The following SEC24B variants were observed in gnomAD, a reference collection of about 807,000 sequenced individuals.
SEC24B encodes the protein SEC24 homolog B, COPII component.
Under a neutral mutation model 142.8 loss-of-function variants are expected in SEC24B, and 45 were observed. The ratio of observed to expected loss-of-function variants is 0.32; its 90% confidence interval spans 0.25 to 0.40. SEC24B has a LOEUF of 0.40. SEC24B is among the 10% of genes least tolerant of loss of function. The pLI is 1.00. For synonymous variants in SEC24B, 574 were observed against 568.2 expected (o/e 1.01, Z -0.15); for missense variants, 1,409 against 1,526.8 (o/e 0.92, Z 1.29).
At chr4:109,467,280 C>G (rs992732387) in intron 2 of SEC24B, among the ~76,000 whole-genome samples, 2 of 145,922 alleles carry the variant, frequency 1.4e-5, no homozygotes, top group African/African-American at 5.1e-5. Flanking sequence ...GAGCCGAGAT[C>G]GCGCCACTGC....
At chr4:109,452,937 T>C (rs770113410) in intron 1 of SEC24B, among the ~76,000 whole-genome samples, 9 of 152,252 alleles carry the variant, frequency 5.9e-5, no homozygotes, top group Non-Finnish European at 1.2e-4. Context: ...TTCAACGTTA[T>C]TTCACGTAGG....
chr4:109,442,532 A>G (rs1026097494), intron 1 of SEC24B, among the ~76,000 whole-genome samples: 1 of 152,180 alleles, frequency 6.6e-6, no homozygotes, highest in Non-Finnish European at 1.5e-5. Context: ...TCTTAGTAGG[A>G]TAAAGGAACT....
chr4:109,534,997 C>A lies in SEC24B; in HGVS notation c.3588+1312C>A, dbSNP rs543125355. The stretch of plus-strand genomic sequence containing the variant: ...TTGGCCAGTTTGTTCTTTTTTATGA[C>A]TGAAAAATAGTCCATTGTATGGACA... On this transcript the variant is annotated intron_variant, in intron 22 of 23. Transcript: ENST00000265175. Among the ~76,000 whole-genome samples the A allele has an allele frequency of 2.2e-3, 339 of 151,940 alleles. 2 individuals carry two copies. The highest frequency in any genetic ancestry group is 7.8e-3 in the African/African-American group (324 of 41,482).
Position 109,481,672 on chromosome 4 carries a change from T to A in SEC24B, c.1061-5T>A. 1 of 1,599,898 alleles carries A rather than the reference T, an allele frequency of 6.3e-7. No individual in the cohort carries two copies. The highest frequency in any genetic ancestry group is 8.5e-7 in the Non-Finnish European group (1 of 1,171,212). On this transcript the variant is annotated splice_polypyrimidine_tract_variant and splice_region_variant and intron_variant, in intron 3 of 23. Transcript: ENST00000265175. ...ACTCTTATGTTTGTGCTTTCCACTT[T>A]ACAGGCGTGCAGTATGGTGAATATG...
chr4:109,513,256 G>T (rs917702232), intron 9 of SEC24B, among the ~76,000 whole-genome samples: 2 of 148,616 alleles, frequency 1.3e-5, no homozygotes, highest in African/African-American at 5.0e-5. Flanking sequence ...TTATAGGTGT[G>T]AGCCACTGCG....
At position 109,529,117 on chromosome 4, in the gene SEC24B, C is replaced by T. The variant is rs181926035; in HGVS notation, c.3077-1172C>T. On this transcript the variant is annotated intron_variant, in intron 18 of 23. Transcript: ENST00000265175. ...GGCAGAGGTTGCAATGAGCCAAGAT[C>T]GCACCACTGCACTCCAGCCTGGGAA... Among the ~76,000 whole-genome samples the T allele has an allele frequency of 4.7e-5, 7 of 149,596 alleles. No individual in the cohort carries two copies. In the East Asian group the frequency reaches 6.0e-4, roughly 13 times the overall value.
At chr4:109,532,508 A>G in intron 20 of SEC24B, 131 bp from the exon 21 acceptor site, 1 of 657,596 alleles carries the variant, frequency 1.5e-6, no homozygotes, top group Non-Finnish European at 2.7e-6. Flanking sequence ...GCATATAATC[A>G]GTATTTTTTA....
Position 109,473,071 on chromosome 4 carries a change from C to G in SEC24B, c.945C>G (p.Ser315=). The G allele has an allele frequency of 6.2e-7, 1 of 1,605,014 alleles. No individual in the cohort carries two copies. Among genetic ancestry groups the G allele is most frequent in the Non-Finnish European group, 8.5e-7 (1 of 1,175,706 alleles). Residue 315 remains serine (S), a synonymous_variant, in exon 3 of 24, where the codon TCC becomes TCG. Coordinates refer to ENST00000265175, the MANE Select transcript of SEC24B (RefSeq NM_006323.5). ...VQPPKSSPVV[S]TVLSGSSGSS... ...CTCCCAAGTCCAGCCCAGTGGTATC[C>G]ACTGTTTTATCAGGATCCTCAGGAT... is the stretch of plus-strand genomic sequence containing the variant.
In SEC24B at chr4:109,540,517, T is replaced by G. The variant is rs183613143; in HGVS notation, c.*842T>G. 1 of 152,082 alleles carries G rather than the reference T, an allele frequency of 6.6e-6. No individual in the cohort carries two copies. Among genetic ancestry groups the G allele is most frequent in the African/African-American group, 2.4e-5 (1 of 41,410 alleles). 9.4% of individuals were successfully genotyped at this position (152,082 alleles called of 1,614,324 possible). On this transcript the variant is annotated 3_prime_UTR_variant, in exon 24 of 24. Transcript: ENST00000265175. ...TTGGTTTTTTGTGGGGATTGGTGGG[T>G]TTTTTTACATACAGGATGTATTGAA... is the stretch of plus-strand genomic sequence containing the variant.
At chr4:109,486,994 A>G (rs1346125245) in intron 4 of SEC24B, among the ~76,000 whole-genome samples, 3 of 151,904 alleles carry the variant, frequency 2.0e-5, no homozygotes, top group African/African-American at 7.3e-5. Context: ...ACGAAACCCC[A>G]TATCTACTAA....
Position 109,463,551 on chromosome 4 carries a change from T to A in SEC24B, c.784T>A (p.Trp262Arg). The change falls in exon 2 of 24, where the codon TGG (tryptophan) becomes AGG (arginine). Residue 262 changes from tryptophan (W) to arginine (R), a missense_variant. Physicochemically the swap from Trp to Arg is moderately radical, Grantham distance 101. This residue lies in a region of SEC24B where 709 missense variants were observed against 673.5 expected (regional missense o/e 1.05). Transcript: ENST00000265175. ...TCTTTCAGGATACAGTACTCTAACG[T>A]GGTCATCTCCAGGCCTTCCATCGAC... ...QSLSGYSTLT[W>R]SSPGLPSTQD... The A allele has an allele frequency of 6.2e-7, 1 of 1,614,196 alleles. No homozygotes were observed. The highest frequency in any genetic ancestry group is 8.5e-7 in the Non-Finnish European group (1 of 1,180,038).
chr4:109,472,212 A>T (rs1437879855), intron 2 of SEC24B, among the ~76,000 whole-genome samples: 1 of 152,212 alleles, frequency 6.6e-6, no homozygotes, highest in Non-Finnish European at 1.5e-5. Context: ...GCAGGTATAT[A>T]TATGTAGATT....
intron 1 of SEC24B, 80 bp from the exon 2 acceptor site, chr4:109,462,821 T>C (rs1190172409): frequency 2.7e-6 from 3 of 1,128,828 alleles, no homozygotes; most frequent in Admixed American, 2.2e-5. Context: ...AGAAAGTTAA[T>C]TGCTTCAATA....
Position 109,533,658 on chromosome 4 carries a change from T to C in SEC24B, c.3561T>C (p.Thr1187=). The change falls in exon 22 of 24, where the codon ACT becomes ACC. Residue 1187 remains threonine, a synonymous_variant. Coordinates refer to ENST00000265175, the MANE Select transcript of SEC24B (RefSeq NM_006323.5). ...NNFIEDVLGY[T]NFASIPQKMT... Reference sequence around the variant, plus strand: ...TCATAGAGGATGTGCTTGGATATACTAATTTTGCATCAATACCACAGAAAA... The same window carrying C: ...TCATAGAGGATGTGCTTGGATATACCAATTTTGCATCAATACCACAGAAAA... 1 of 1,605,502 alleles carries C rather than the reference T, an allele frequency of 6.2e-7. No individual in the cohort carries two copies. Among genetic ancestry groups the C allele is most frequent in the Non-Finnish European group, 8.5e-7 (1 of 1,175,616 alleles).
chr4:109,479,796 A>G (rs35473144), intron 3 of SEC24B, among the ~76,000 whole-genome samples: 26,728 of 146,002 alleles, frequency 0.18, 2,670 homozygotes, highest in African/African-American at 0.28. Context: ...TTTGTTTTTG[A>G]TATTGTTTCT....
chr4:109,491,553 A>G (rs893668528), intron 5 of SEC24B, 146 bp downstream of exon 5: 8 of 556,826 alleles, frequency 1.4e-5, no homozygotes, highest in African/African-American at 1.3e-4. Flanking sequence ...CTCAGCCTCA[A>G]CTTAATAGCG....
intron 4 of SEC24B, among the ~76,000 whole-genome samples, chr4:109,486,656 A>G (rs1022551867): frequency 1.3e-5 from 2 of 152,174 alleles, no homozygotes; most frequent in African/African-American, 4.8e-5. Flanking sequence ...ATTATCAGTA[A>G]TTGTAGTGTG....
At chr4:109,530,895 C>CAAAAAAAAAAAAAAAAAAAAAAA (rs35997146) in intron 19 of SEC24B, among the ~76,000 whole-genome samples, 1 of 46,342 alleles carries the variant, frequency 2.2e-5, no homozygotes, top group Non-Finnish European at 4.4e-5. Flanking sequence ...GACTCCGTCT[C>CAAAAAAAAAAAAAAAAAAAAAAA]AAAAAAAAAA....
Position 109,526,332 on chromosome 4 carries a change from T to C in SEC24B, c.2898T>C (p.Ile966=). The C allele has an allele frequency of 6.2e-7, 1 of 1,614,010 alleles. No homozygotes were observed. The highest frequency in any genetic ancestry group is 1.3e-5 in the African/African-American group (1 of 75,050). Residue 966 remains isoleucine, a synonymous_variant, in exon 17 of 24, where the codon ATT becomes ATC. Coordinates refer to ENST00000265175, the MANE Select transcript of SEC24B (RefSeq NM_006323.5). ...CTGGATTTGCGGTGCAGTTGTCAAT[T>C]GAAGAAAGTTTAACAGATACTTCCT... The part of the protein sequence containing the change: ...PDAGFAVQLS[I]EESLTDTSLV...
Sources: allele counts gnomAD v4.1 joint callset (sites outside exome capture counted in the v4.1 genomes callset), GRCh38; gene constraint gnomAD v4.1.1; regional missense constraint gnomAD v4.1.1; transcripts MANE v1.5; gene names NCBI Gene and HGNC (gene_info 2026-07-23, HGNC 2026-07-21).